EWSR1: variants seen among roughly 807,000 people sequenced by gnomAD.
The protein encoded by EWSR1 is EWS RNA binding protein 1, also known as RNA-binding protein EWS.
EWSR1 carries 14 observed loss-of-function variants against 92.1 expected under a neutral mutation model. The ratio of observed to expected loss-of-function variants is 0.15; its 90% CI spans 0.10 to 0.24. EWSR1 has a LOEUF of 0.24. Among genes scored for constraint, EWSR1 ranks in the 10% least tolerant of loss-of-function variants. EWSR1 has a pLI of 1.00. For missense variants in EWSR1, 637 were observed against 870.9 expected (o/e 0.73, Z 3.38); for synonymous variants, 303 against 292.9 (o/e 1.03, Z -0.35).
chr22:29,277,778 G>T (rs2059235390), intron 4 of EWSR1: 1 of 448,710 alleles, frequency 2.2e-6, no homozygotes, highest in East Asian at 3.5e-5. Context: ...GTTTTCTGTA[G>T]CATGACATGC....
At chr22:29,299,437 G>C (rs1376394571) in intron 15 of EWSR1, 106 bp downstream of exon 15, 4 of 1,509,206 alleles carry the variant, frequency 2.7e-6, no homozygotes, top group Non-Finnish European at 3.6e-6. Context: ...ACAACTTTGA[G>C]TTGTCGTGTC....
chr22:29,300,267 G>GATT lies in EWSR1; in HGVS notation c.*110_*112dup. ...TTTATAATGTTGGCCACAACATTAT[G>GATT]ATTATTCCTTGTCTGTACTTTAGTA... On this transcript the variant is annotated 3_prime_UTR_variant, in exon 17 of 17. Transcript: ENST00000397938. The GATT allele has an allele frequency of 1.9e-6, 2 of 1,074,658 alleles. No individual in the cohort carries two copies. Among genetic ancestry groups the GATT allele is most frequent in the East Asian group, 5.2e-5 (2 of 38,350 alleles). 66.6% of individuals were successfully genotyped at this position (1,074,658 alleles called of 1,614,324 possible).
chr22:29,298,709 T>C, intron 13 of EWSR1, 24 bp from the exon 14 acceptor site: 1 of 1,612,420 alleles, frequency 6.2e-7, no homozygotes, highest in Non-Finnish European at 8.5e-7. Flanking sequence ...AATGATTTGC[T>C]GTTTCTTGTT....
chr22:29,283,233 C>G (rs186174290), intron 6 of EWSR1, among the ~76,000 whole-genome samples: 7 of 152,176 alleles, frequency 4.6e-5, no homozygotes, highest in Non-Finnish European at 8.8e-5. Flanking sequence ...ATAAGTAAAG[C>G]GCAGGGCATT....
chr22:29,292,262 C>T, intron 10 of EWSR1, 93 bp downstream of exon 10: 2 of 1,259,624 alleles, frequency 1.6e-6, no homozygotes, highest in South Asian at 2.4e-5. Context: ...GCCTTATAGA[C>T]CAGTGTGATA....
intron 4 of EWSR1, chr22:29,276,187 G>A (rs1259349245): frequency 4.3e-6 from 1 of 230,152 alleles, no homozygotes; most frequent in African/African-American, 2.2e-5. Context: ...CATGTAGTGG[G>A]GTGTAATCGG....
intron 6 of EWSR1, among the ~76,000 whole-genome samples, chr22:29,284,448 T>C (rs2059863157): frequency 1.3e-5 from 2 of 151,376 alleles, no homozygotes; most frequent in South Asian, 4.1e-4. Flanking sequence ...TGTCTCTCCA[T>C]ACAGCCAGCT....
At chr22:29,272,077 G>A in intron 1 of EWSR1, 139 bp from the exon 2 acceptor site, 2 of 703,934 alleles carry the variant, frequency 2.8e-6, no homozygotes, top group East Asian at 2.6e-5. Context: ...AGAGGTAAGG[G>A]GGACTCATTT....
intron 15 of EWSR1, 100 bp downstream of exon 15, chr22:29,299,431 CT>C (rs1309887609): frequency 3.3e-6 from 5 of 1,517,426 alleles, no homozygotes; most frequent in Non-Finnish European, 8.8e-7. Flanking sequence ...TGCTTAACAA[CT>C]TTGAGTTGTC....
intron 9 of EWSR1, chr22:29,291,845 T>C (rs1307118041): frequency 1.4e-5 from 8 of 579,964 alleles, no homozygotes; most frequent in South Asian, 2.4e-5. Context: ...TTAAATTTGG[T>C]TTATTTAGAG....
At chr22:29,268,987 C>T (rs1384848661) in intron 1 of EWSR1, among the ~76,000 whole-genome samples, 1 of 152,172 alleles carries the variant, frequency 6.6e-6, no homozygotes, top group African/African-American at 2.4e-5. Flanking sequence ...AATGTGCTTC[C>T]CTCCTCCAGG....
At chr22:29,273,892 G>T (rs1569050069) in intron 4 of EWSR1, 28 bp downstream of exon 4, 3 of 1,612,694 alleles carry the variant, frequency 1.9e-6, no homozygotes, top group Middle Eastern at 1.7e-4. Context: ...GAGATTTTTG[G>T]GTCGTTCTGG....
chr22:29,273,460 G>A (rs183049685), intron 3 of EWSR1, among the ~76,000 whole-genome samples: 15 of 152,118 alleles, frequency 9.9e-5, no homozygotes, highest in African/African-American at 3.4e-4. Context: ...GGTTTTGCCT[G>A]ATTATCTTTT....
chr22:29,268,841 C>A (rs939485796), intron 1 of EWSR1, among the ~76,000 whole-genome samples: 1 of 152,214 alleles, frequency 6.6e-6, no homozygotes, highest in African/African-American at 2.4e-5. Context: ...ATTTGTGGGC[C>A]GAGGGGTGCC....
At chr22:29,275,024 A>G (rs4823026) in intron 4 of EWSR1, among the ~76,000 whole-genome samples, 1,785 of 151,804 alleles carry the variant, frequency 0.012, 17 homozygotes, top group Middle Eastern at 0.037. Flanking sequence ...AATTTATCTC[A>G]TTGAGTACCA....
intron 4 of EWSR1, chr22:29,276,564 T>C (rs776273560): frequency 2.2e-5 from 5 of 226,388 alleles, no homozygotes; most frequent in Non-Finnish European, 3.5e-5. Flanking sequence ...AAATCTTAAC[T>C]AAAATGGGCA....
chr22:29,291,662 C>G, intron 9 of EWSR1, 63 bp downstream of exon 9: 1 of 1,473,096 alleles, frequency 6.8e-7, no homozygotes, highest in Non-Finnish European at 9.3e-7. Context: ...TTTTAGAAAA[C>G]TATAATTTTT....
chr22:29,297,765 G>A (rs1343726578), intron 12 of EWSR1, 62 bp from the exon 13 acceptor site: 26 of 1,596,508 alleles, frequency 1.6e-5, no homozygotes, highest in Non-Finnish European at 2.2e-5. Context: ...ATTTGATGAT[G>A]ATGTGGAGTT....
At chr22:29,278,334 C>T in intron 5 of EWSR1, 118 bp downstream of exon 5, 2 of 911,986 alleles carry the variant, frequency 2.2e-6, no homozygotes, top group Non-Finnish European at 3.3e-6. Flanking sequence ...CATATACTCT[C>T]AGATGTTCAC....
Sources: gnomAD v4.1 joint callset for allele counts (sites outside exome capture counted in the v4.1 genomes callset) on GRCh38, gnomAD v4.1.1 for gene constraint, MANE v1.5 for transcripts, NCBI Gene and HGNC (gene_info 2026-07-23, HGNC 2026-07-21) for gene names.